The following KANSL1 variants were observed in gnomAD, a reference collection of about 807,000 sequenced individuals.
The protein encoded by KANSL1 is MLL1/MLL complex subunit KANSL1.
In KANSL1, 22 loss-of-function variants were observed where a neutral mutation model predicts 103.6. That is an observed-to-expected ratio of 0.21 (90% CI 0.15 to 0.30). KANSL1 has a LOEUF of 0.30. KANSL1 is among the 10% of genes least tolerant of loss of function. The pLI is 1.00. For missense variants in KANSL1, 1,337 were observed against 1,399.8 expected (o/e 0.96, Z 0.72); for synonymous variants, 600 against 527.6 (o/e 1.14, Z -1.88).
intron 6 of KANSL1, among the ~76,000 whole-genome samples, chr17:46,056,268 G>A (rs1426498269): frequency 1.3e-5 from 2 of 151,832 alleles, no homozygotes; most frequent in Non-Finnish European, 2.9e-5. Context: ...CAAAGTGCTA[G>A]AATAACAAGT....
chr17:46,047,862 C>A (rs965558123), intron 7 of KANSL1, among the ~76,000 whole-genome samples: 3 of 148,672 alleles, frequency 2.0e-5, no homozygotes, highest in African/African-American at 7.4e-5. Context: ...TTATGAAGAA[C>A]AGCATGGAGC....
chr17:46,129,998 C>G (rs1009401086), intron 2 of KANSL1, among the ~76,000 whole-genome samples: 1 of 151,908 alleles, frequency 6.6e-6, no homozygotes, highest in Non-Finnish European at 1.5e-5. Flanking sequence ...CCAGCCCGGG[C>G]AACATGGTGA....
chr17:46,152,903 G>C (rs62063244), intron 2 of KANSL1: 17,213 of 150,308 alleles, frequency 0.11, no homozygotes, highest in Non-Finnish European at 0.17. Flanking sequence ...TGGATACTTA[G>C]AATCACGATG....
At chr17:46,211,032 A>T (rs2048152244) in intron 1 of KANSL1, among the ~76,000 whole-genome samples, 1 of 152,170 alleles carries the variant, frequency 6.6e-6, no homozygotes, top group Admixed American at 6.5e-5. Flanking sequence ...TACCTCTAAG[A>T]GCCCACTGAG....
intron 6 of KANSL1, among the ~76,000 whole-genome samples, chr17:46,052,985 AAAAAAAAAAAAAAAAAAAAAG>A (rs1201290761): frequency 7.8e-6 from 1 of 127,674 alleles, no homozygotes; most frequent in Admixed American, 9.5e-5. Flanking sequence ...AAAAAAAAAA[AAAAAAAAAAAAAAAAAAAAAG>A]GCTGCGCATG....
At chr17:46,176,517 CCT>C (rs1395561230) in intron 1 of KANSL1, among the ~76,000 whole-genome samples, 1 of 152,092 alleles carries the variant, frequency 6.6e-6, no homozygotes, top group Non-Finnish European at 1.5e-5. Context: ...ATGGTGAAAC[CCT>C]GTCTCTACTA....
intron 1 of KANSL1, among the ~76,000 whole-genome samples, chr17:46,210,241 G>T (rs1020850301): frequency 8.5e-5 from 13 of 152,162 alleles, no homozygotes; most frequent in African/African-American, 3.1e-4. Context: ...TTGGGAGGCT[G>T]AGGCGGGTGG....
intron 2 of KANSL1, among the ~76,000 whole-genome samples, chr17:46,160,665 G>A (rs1418909101): frequency 4.6e-5 from 7 of 152,168 alleles, no homozygotes; most frequent in Admixed American, 2.0e-4. Context: ...GCTTAAGGAT[G>A]TATCTGGTTA....
intron 1 of KANSL1, among the ~76,000 whole-genome samples, chr17:46,187,999 C>A (rs561949620): frequency 6.6e-4 from 100 of 152,280 alleles, no homozygotes; most frequent in African/African-American, 2.2e-3. Context: ...TTTTTGGAGT[C>A]CAAGTATTTT....
chr17:46,062,114 C>CAAAAAAAAAAAAAAAAAAAA (rs1192815524), intron 6 of KANSL1, among the ~76,000 whole-genome samples: 2 of 37,120 alleles, frequency 5.4e-5, no homozygotes, highest in African/African-American at 6.8e-5. Context: ...AAAAAACAAA[C>CAAAAAAAAAAAAAAAAAAAA]AAACAAAAAA....
chr17:46,165,807 G>A (rs1480711301), intron 2 of KANSL1, among the ~76,000 whole-genome samples: 2 of 152,030 alleles, frequency 1.3e-5, no homozygotes, highest in Non-Finnish European at 2.9e-5. Context: ...CACCAAGCCA[G>A]ACCAAAAGCA....
intron 1 of KANSL1, chr17:46,215,220 A>C (rs961965442): frequency 2.6e-5 from 4 of 152,550 alleles, no homozygotes; most frequent in African/African-American, 4.8e-5. Flanking sequence ...AACAGGGTAG[A>C]GTCCATCTTA....
intron 6 of KANSL1, among the ~76,000 whole-genome samples, chr17:46,051,374 ATT>A (rs1484153267): frequency 6.7e-6 from 1 of 148,236 alleles, no homozygotes; most frequent in Non-Finnish European, 1.5e-5. Flanking sequence ...TTCATGTTAG[ATT>A]AATTCCAAAG....
At chr17:46,192,558 G>A (rs572387654) in intron 1 of KANSL1, 1 of 152,878 alleles carries the variant, frequency 6.5e-6, no homozygotes, top group African/African-American at 2.4e-5. Flanking sequence ...TTTTTAAATA[G>A]AACGCCAAAG....
At position 46,050,637 on chromosome 17, in the gene KANSL1, C is replaced by T; in HGVS notation, c.1916G>A (p.Gly639Asp). 1.2e-6 allele frequency: 2 copies of T among 1,614,176 alleles called. No individual in the cohort carries two copies. Among genetic ancestry groups the T allele is most frequent in the Non-Finnish European group, 1.7e-6 (2 of 1,180,028 alleles). Residue 639 changes from glycine (G) to aspartate (D), a missense_variant, in exon 7 of 15, where the codon GGC becomes GAC. Around this residue, in one of 2 missense-constraint regions of KANSL1, gnomAD observed 780 missense variants for 923.4 expected, o/e 0.84. Coordinates refer to ENST00000432791, the MANE Select transcript of KANSL1 (RefSeq NM_015443.4). ...TTCGGGAGGCATGGTGTTGATGCTGCCTGAACCACACAGTGCGCAGGAGGG... is the reference window on the plus strand; with the variant it reads ...TTCGGGAGGCATGGTGTTGATGCTGTCTGAACCACACAGTGCGCAGGAGGG... Reference protein sequence around the residue: ...VNPSCALCGSGSINTMPPEIH... With the variant: ...VNPSCALCGSDSINTMPPEIH...
intron 6 of KANSL1, among the ~76,000 whole-genome samples, chr17:46,053,718 G>A (rs1291765318): frequency 3.3e-5 from 5 of 152,154 alleles, no homozygotes; most frequent in African/African-American, 1.2e-4. Flanking sequence ...ATAGGCATGA[G>A]CCACCGCACC....
chr17:46,135,256 G>T (rs1446259148), intron 2 of KANSL1, among the ~76,000 whole-genome samples: 4 of 132,974 alleles, frequency 3.0e-5, no homozygotes, highest in Non-Finnish European at 6.8e-5. Context: ...CCAAGTAAGG[G>T]GTGGTCTAGA....
intron 6 of KANSL1, among the ~76,000 whole-genome samples, 159 bp from the exon 7 acceptor site, chr17:46,050,863 AGTTT>A (rs1273286222): frequency 1.3e-5 from 2 of 152,254 alleles, no homozygotes; most frequent in African/African-American, 2.4e-5. Context: ...ATGTTTGATT[AGTTT>A]GTTAAAAGAT....
At chr17:46,074,514 T>A (rs995059938) in intron 4 of KANSL1, among the ~76,000 whole-genome samples, 1 of 151,978 alleles carries the variant, frequency 6.6e-6, no homozygotes, top group Non-Finnish European at 1.5e-5. Flanking sequence ...TGAGTAAAAA[T>A]ATAATGAGCA....
Sources: allele counts gnomAD v4.1 joint callset (sites outside exome capture counted in the v4.1 genomes callset), GRCh38; gene constraint gnomAD v4.1.1; regional missense constraint gnomAD v4.1.1; transcripts MANE v1.5; gene names NCBI Gene and HGNC (gene_info 2026-07-23, HGNC 2026-07-21).